GFPT2: variants seen among roughly 807,000 people sequenced by gnomAD.
The protein encoded by GFPT2 is glutamine--fructose-6-phosphate aminotransferase [isomerizing] 2.
Under a neutral mutation model 85.6 loss-of-function variants are expected in GFPT2, and 62 were observed. The ratio of observed to expected loss-of-function variants is 0.72; its 90% CI spans 0.59 to 0.90. GFPT2 has a LOEUF of 0.90. Among genes scored for constraint, GFPT2 ranks in the 40% least tolerant of loss-of-function variants. The probability of loss-of-function intolerance (pLI) is 0.00; values close to 1 mark genes in which losing one functional copy is unlikely to be tolerated. For missense variants in GFPT2, 788 were observed against 893.4 expected (o/e 0.88, Z 1.50); for synonymous variants, 368 against 344.5 (o/e 1.07, Z -0.75).
chr5:180,316,655 G>A (rs1402412355), intron 12 of GFPT2, 109 bp downstream of exon 12: 9 of 920,912 alleles, frequency 9.8e-6, no homozygotes, highest in Non-Finnish European at 1.3e-5. Context: ...CATGGGAATG[G>A]GTACAAGGGC....
chr5:180,312,590 A>T (rs1367921810), intron 14 of GFPT2, 46 bp from the exon 15 acceptor site: 2 of 1,013,622 alleles, frequency 2.0e-6, no homozygotes, highest in Non-Finnish European at 3.2e-6. Context: ...TTCACTTTTT[A>T]AATCAACTTT....
At chr5:180,352,442 T>C (rs945647646) in intron 1 of GFPT2, 9 of 453,548 alleles carry the variant, frequency 2.0e-5, no homozygotes, top group Admixed American at 7.1e-5. Context: ...GAGTAAAGAA[T>C]TGCAGATGTG....
rs2127653843 is a variant in GFPT2 at position 180,330,675 on chromosome 5, TAG to T, written c.534+23_534+24del. On this transcript the variant is annotated intron_variant, in intron 6 of 18. Coordinates refer to ENST00000253778, the MANE Select transcript of GFPT2 (RefSeq NM_005110.4). The surrounding 1 kb of genome is among the most constrained non-coding windows in gnomAD (Gnocchi z 4.4). ...TTAATGAAAGAATGAAGGAATGAGT[TAG>T]ACAGATGGGATTTGTAACTCACCAA... is the stretch of plus-strand genomic sequence containing the variant. 1 of 1,592,370 alleles carries T rather than the reference TAG, an allele frequency of 6.3e-7. No individual in the cohort carries two copies. The highest frequency in any genetic ancestry group is 1.7e-5 in the Admixed American group (1 of 59,408).
rs200987920 is a variant in GFPT2 at position 180,318,790 on chromosome 5, T to C, written c.958+3A>G. 5.6e-6 allele frequency: 9 copies of C among 1,613,376 alleles called. No individual in the cohort carries two copies. Among genetic ancestry groups the C allele is most frequent in the Non-Finnish European group, 7.6e-6 (9 of 1,179,578 alleles). On this transcript the variant is annotated splice_donor_region_variant and intron_variant, in intron 10 of 18. Coordinates refer to ENST00000253778, the MANE Select transcript of GFPT2 (RefSeq NM_005110.4). The surrounding 1 kb of genome is among the most constrained non-coding windows in gnomAD (Gnocchi z 4.2). Reference sequence around the variant, plus strand: ...CCGCACGTGGACTCTGGAGGACACCTGCCTTTCATGATTTGCTGCAGTTCC... The same window carrying C: ...CCGCACGTGGACTCTGGAGGACACCCGCCTTTCATGATTTGCTGCAGTTCC...
At chr5:180,344,317 T>G (rs763892323) in intron 1 of GFPT2, among the ~76,000 whole-genome samples, 1 of 152,138 alleles carries the variant, frequency 6.6e-6, no homozygotes, top group Admixed American at 6.5e-5. Flanking sequence ...AGCAGAAACT[T>G]CCTTTCCACT....
Position 180,316,344 on chromosome 5 carries a change from A to C in GFPT2, c.1270T>G (p.Ser424Ala). 6.2e-7 allele frequency: 1 copy of C among 1,614,090 alleles called. No individual in the cohort carries two copies. Among genetic ancestry groups the C allele is most frequent in the Non-Finnish European group, 8.5e-7 (1 of 1,179,958 alleles). ...CCACAATGCCTGTGTCCCTTACCTGACTGGCTGATGAAAAAGCAAACGTCA... is the reference window on the plus strand; with the variant it reads ...CCACAATGCCTGTGTCCCTTACCTGCCTGGCTGATGAAAAAGCAAACGTCA... ...RDDVCFFISQ[S>A]GETADTLLAL... The change falls in exon 13 of 19, where the codon TCA (serine) becomes GCA (alanine). Residue 424 changes from serine (S) to alanine (A), a missense_variant. Coordinates refer to ENST00000253778, the MANE Select transcript of GFPT2 (RefSeq NM_005110.4).
At chr5:180,348,393 T>C (rs1177218099) in intron 1 of GFPT2, among the ~76,000 whole-genome samples, 5 of 152,228 alleles carry the variant, frequency 3.3e-5, no homozygotes, top group Non-Finnish European at 5.9e-5. Flanking sequence ...GCTGAGGAGC[T>C]GTGGCCTCTC....
Position 180,353,265 on chromosome 5 carries a change from T to C in GFPT2, c.-48A>G, listed in dbSNP as rs1422049796. On this transcript the variant is annotated 5_prime_UTR_variant, in exon 1 of 19. Coordinates refer to ENST00000253778, the MANE Select transcript of GFPT2 (RefSeq NM_005110.4). ...TCGCGGCTCGAGGGGGTCTGCCCGT[T>C]CGGACGCTGGGGCTCCTCCGTGGGC... The C allele has an allele frequency of 4.0e-6, 5 of 1,238,506 alleles. No individual in the cohort carries two copies. In the African/African-American group the frequency reaches 7.8e-5, roughly 19 times the overall value. The allele number at this position is 1,238,506 out of a possible 1,614,324, so 76.7% of individuals were successfully genotyped here. A position where few individuals can be genotyped will look rare whatever the true frequency, so the allele number is the denominator to read the frequency against.
At chr5:180,351,355 A>C (rs954872528) in intron 1 of GFPT2, among the ~76,000 whole-genome samples, 1 of 152,226 alleles carries the variant, frequency 6.6e-6, no homozygotes, top group African/African-American at 2.4e-5. Flanking sequence ...ATGTTCTTGA[A>C]AAGGAAATAA....
chr5:180,313,845 T>G lies in GFPT2; in HGVS notation c.1393A>C (p.Ile465Leu). The change falls in exon 14 of 19, where the codon ATC becomes CTC. Residue 465 changes from isoleucine (I) to leucine (L), a missense_variant. Physicochemically the swap from Ile to Leu is conservative, Grantham distance 5. Coordinates refer to ENST00000253778, the MANE Select transcript of GFPT2 (RefSeq NM_005110.4). Reference sequence around the variant, plus strand: ...ACGCCGATCTCCGGCCCTGCGTTGATGTGGACGCCGCAGTCGGTCTCGCGA... The same window carrying G: ...ACGCCGATCTCCGGCCCTGCGTTGAGGTGGACGCCGCAGTCGGTCTCGCGA... Reference protein sequence around the residue: ...ISRETDCGVHINAGPEIGVAS... With the variant: ...ISRETDCGVHLNAGPEIGVAS... The G allele has an allele frequency of 6.3e-7, 1 of 1,593,576 alleles. No individual in the cohort carries two copies. The highest frequency in any genetic ancestry group is 2.3e-5 in the East Asian group (1 of 44,222).
At position 180,305,635 on chromosome 5, in the gene GFPT2, C is replaced by T. The variant is rs1397048333; in HGVS notation, c.1675-696G>A. 9.2e-5 allele frequency among the ~76,000 whole-genome samples: 14 copies of T among 152,198 alleles called. 1 individual carries two copies. The highest frequency in any genetic ancestry group is 9.2e-4 in the Admixed American group (14 of 15,282). ...CCCAGTGACCAGAGGACCATGGGCT[C>T]GTGCCAGCAGCCACCTAAACGCTTC... On this transcript the variant is annotated intron_variant, in intron 16 of 18. Transcript: ENST00000253778.
intron 10 of GFPT2, among the ~76,000 whole-genome samples, chr5:180,317,530 C>A (rs958421463): frequency 1.4e-5 from 2 of 145,220 alleles, no homozygotes; most frequent in South Asian, 2.1e-4. Flanking sequence ...GAGGCCGAGG[C>A]GGGCGGATCA....
At chr5:180,329,984 G>A (rs1048332564) in intron 6 of GFPT2, among the ~76,000 whole-genome samples, 7 of 152,140 alleles carry the variant, frequency 4.6e-5, no homozygotes, top group Admixed American at 2.6e-4. Context: ...TCCCTCTTTT[G>A]GGCCATTCCG....
intron 16 of GFPT2, among the ~76,000 whole-genome samples, chr5:180,306,594 C>T (rs1581366653): frequency 6.6e-6 from 1 of 152,150 alleles, no homozygotes; most frequent in Admixed American, 6.5e-5. Flanking sequence ...GGGCAAATGG[C>T]CTGTCACCAA....
Position 180,328,939 on chromosome 5 carries a change from T to A in GFPT2, c.535-601A>T, listed in dbSNP as rs1288446751. ...GTTGTCATGACCGTTACTGCTATTA[T>A]CCTTTCCATGGATACGACTGCCACC... On this transcript the variant is annotated intron_variant, in intron 6 of 18. Transcript: ENST00000253778. This position sits in a 1 kb window ranked among gnomAD's most constrained non-coding sequence, Gnocchi z 5.4. Among the ~76,000 whole-genome samples, 3 of 152,210 alleles carry A rather than the reference T, an allele frequency of 2.0e-5. No individual in the cohort carries two copies. Among genetic ancestry groups the A allele is most frequent in the Admixed American group, 6.5e-5 (1 of 15,290 alleles).
At chr5:180,352,789 T>G in intron 1 of GFPT2, 1 of 306,246 alleles carries the variant, frequency 3.3e-6, no homozygotes, top group Non-Finnish European at 6.2e-6. Flanking sequence ...TGAGTCGGGA[T>G]GGGCGCCCCG....
chr5:180,322,765 G>A (rs1252678753), intron 9 of GFPT2, among the ~76,000 whole-genome samples: 2 of 152,022 alleles, frequency 1.3e-5, no homozygotes, highest in Admixed American at 6.6e-5. Context: ...GGATGGGCGC[G>A]GTGGCTCACA....
At chr5:180,315,401 A>G (rs1241726597) in intron 13 of GFPT2, among the ~76,000 whole-genome samples, 1 of 152,116 alleles carries the variant, frequency 6.6e-6, no homozygotes, top group East Asian at 1.9e-4. Context: ...GATGGCCTCA[A>G]TCTCCTGACC....
In GFPT2 at chr5:180,330,575, C is replaced by G; in HGVS notation, c.534+125G>C. ...TGGGCTGTCTTTTATCCCCAGGACT[C>G]TGTGCAAGTTTGTCTAACAAGGGCT... On this transcript the variant is annotated intron_variant, in intron 6 of 18. Transcript: ENST00000253778. The surrounding 1 kb of genome is among the most constrained non-coding windows in gnomAD (Gnocchi z 4.4). 1.3e-6 allele frequency: 1 copy of G among 750,380 alleles called. No individual in the cohort carries two copies. The highest frequency in any genetic ancestry group is 2.2e-6 in the Non-Finnish European group (1 of 446,420). 46.5% of individuals were successfully genotyped at this position (750,380 alleles called of 1,614,324 possible). A position where few individuals can be genotyped will look rare whatever the true frequency, so the allele number is the denominator to read the frequency against.
Sources: gnomAD v4.1 joint callset for allele counts (sites outside exome capture counted in the v4.1 genomes callset) on GRCh38, gnomAD v4.1.1 for gene constraint, Gnocchi (gnomAD v3.1) non-coding constraint, MANE v1.5 for transcripts, NCBI Gene and HGNC (gene_info 2026-07-23, HGNC 2026-07-21) for gene names.